Variants in TBX4 observed in about 807,000 individuals in gnomAD.
The protein encoded by TBX4 is T-box transcription factor TBX4.
TBX4 carries 13 observed loss-of-function variants against 54.6 expected under a neutral mutation model. That is an observed-to-expected ratio of 0.24 (90% CI 0.15 to 0.38). The LOEUF (loss-of-function observed/expected upper bound fraction) is 0.38, where lower values mean the gene tolerates loss of function less well. Ranked by LOEUF, TBX4 falls within the 10% of genes least tolerant of loss-of-function variation. The pLI, the probability that TBX4 is intolerant of heterozygous loss-of-function variation, is 1.00. For synonymous variants in TBX4, 314 were observed against 306.7 expected (o/e 1.02, Z -0.25); for missense variants, 631 against 728.5 (o/e 0.87, Z 1.54).
chr17:61,480,285 C>T lies in TBX4; in HGVS notation c.987C>T (p.Asp329=), dbSNP rs767809364. 1.9e-6 allele frequency: 3 copies of T among 1,613,886 alleles called. No individual in the cohort carries two copies. In the African/African-American group the frequency reaches 4.0e-5, roughly 22 times the overall value. Residue 329 remains aspartate (D), a synonymous_variant, in exon 8 of 9, where the codon GAC becomes GAT. Transcript: ENST00000644296. The surrounding 1 kb of genome is among the most constrained non-coding windows in gnomAD (Gnocchi z 6.2). ...LPLSTFPTQR[D]SSLFYHCLKR... is the part of the protein sequence containing the mutation. ...TCAGCACCTTTCCCACCCAGAGGGA[C>T]TCAAGCCTCTTCTATCACTGCCTGA...
chr17:61,456,430 G>C, intron 1 of TBX4, 58 bp from the exon 2 acceptor site: 1 of 1,538,596 alleles, frequency 6.5e-7, no homozygotes, highest in Non-Finnish European at 8.8e-7. Context: ...GAGAGGGCCA[G>C]GGGTCCTCTG....
chr17:61,456,372 T>A (rs748638630), intron 1 of TBX4, 116 bp from the exon 2 acceptor site: 1 of 1,402,570 alleles, frequency 7.1e-7, no homozygotes, highest in Non-Finnish European at 9.8e-7. Context: ...GGGGTCCACG[T>A]GCTCCAGGGC....
chr17:61,483,640 GTGTGTGTGTGTGTA>G lies in TBX4; in HGVS notation c.*126_*139del. 16 of 1,161,154 alleles carry G rather than the reference GTGTGTGTGTGTGTA, an allele frequency of 1.4e-5. No homozygotes were observed. Among genetic ancestry groups the G allele is most frequent in the East Asian group, 2.4e-5 (1 of 41,586 alleles). The allele number at this position is 1,161,154 out of a possible 1,614,324, so 71.9% of individuals were successfully genotyped here. A position where few individuals can be genotyped will look rare whatever the true frequency, so the allele number is the denominator to read the frequency against. ...TGTGTGTGTGTGTGTGTGTGTGTGT[GTGTGTGTGTGTGTA>G]TACACGAGCATGTATGTATTTGGAG... is the stretch of plus-strand genomic sequence containing the variant. On this transcript the variant is annotated 3_prime_UTR_variant, in exon 9 of 9. Transcript: ENST00000644296. This position sits in a 1 kb window ranked among gnomAD's most constrained non-coding sequence, Gnocchi z 6.6.
At position 61,474,815 on chromosome 17, in the gene TBX4, C is replaced by T. The variant is rs148547176; in HGVS notation, c.550-3812C>T. ...TCCGAGCAAAGCCAGGTGTGTGAGT[C>T]ACTGAGTTGGTTTCACATTCTCCCG... On this transcript the variant is annotated intron_variant, in intron 5 of 8. Transcript: ENST00000644296. This position sits in a 1 kb window ranked among gnomAD's most constrained non-coding sequence, Gnocchi z 4.6. 4.6e-5 allele frequency among the ~76,000 whole-genome samples: 7 copies of T among 152,328 alleles called. No homozygotes were observed. The highest frequency in any genetic ancestry group is 1.7e-4 in the African/African-American group (7 of 41,570).
At position 61,483,113 on chromosome 17, in the gene TBX4, C is replaced by G. The variant is rs745791793; in HGVS notation, c.1238C>G (p.Pro413Arg). 1 of 1,614,176 alleles carries G rather than the reference C, an allele frequency of 6.2e-7. No homozygotes were observed. Among genetic ancestry groups the G allele is most frequent in the Non-Finnish European group, 8.5e-7 (1 of 1,180,036 alleles). ...GTGTCTGGGGTGGACGACCTGCCCCCACCTCCGCTGAGCTGTAACATGTGG... is the reference window on the plus strand; with the variant it reads ...GTGTCTGGGGTGGACGACCTGCCCCGACCTCCGCTGAGCTGTAACATGTGG... ...AGVSGVDDLP[P>R]PPLSCNMWTS... The change falls in exon 9 of 9, where the codon CCA becomes CGA. Residue 413 changes from proline to arginine, a missense_variant. Transcript: ENST00000644296. This position sits in a 1 kb window ranked among gnomAD's most constrained non-coding sequence, Gnocchi z 6.6.
rs965616712 is a variant in TBX4 at position 61,461,460 on chromosome 17, C to G, written c.281+3829C>G. The stretch of plus-strand genomic sequence containing the variant: ...CACCCAGGATTCCTCCTGAAAAGCC[C>G]CCACGGACATCAGGGTTGGAGAAAC... On this transcript the variant is annotated intron_variant, in intron 3 of 8. Transcript: ENST00000644296. This position sits in a 1 kb window ranked among gnomAD's most constrained non-coding sequence, Gnocchi z 5.1. Among the ~76,000 whole-genome samples the G allele has an allele frequency of 2.0e-5, 3 of 152,130 alleles. No homozygotes were observed. Among genetic ancestry groups the G allele is most frequent in the Non-Finnish European group, 4.4e-5 (3 of 68,040 alleles).
Position 61,460,557 on chromosome 17 carries a change from T to C in TBX4, c.281+2926T>C, listed in dbSNP as rs1411921775. ...AGCGACCTCCATGTCAGGTGTGAAATGGGGGCCACAGCCCTCCGCAGCCCG... is the reference window on the plus strand; with the variant it reads ...AGCGACCTCCATGTCAGGTGTGAAACGGGGGCCACAGCCCTCCGCAGCCCG... On this transcript the variant is annotated intron_variant, in intron 3 of 8. Coordinates refer to ENST00000644296, the MANE Select transcript of TBX4 (RefSeq NM_001321120.2). This position sits in a 1 kb window ranked among gnomAD's most constrained non-coding sequence, Gnocchi z 4.4. 6.6e-6 allele frequency among the ~76,000 whole-genome samples: 1 copy of C among 152,046 alleles called. No individual in the cohort carries two copies. The highest frequency in any genetic ancestry group is 1.9e-4 in the East Asian group (1 of 5,186).
chr17:61,483,682 C>A lies in TBX4; in HGVS notation c.*166C>A. 1 of 874,654 alleles carries A rather than the reference C, an allele frequency of 1.1e-6. No individual in the cohort carries two copies. The highest frequency in any genetic ancestry group is 1.8e-6 in the Non-Finnish European group (1 of 561,962). 54.2% of individuals were successfully genotyped at this position (874,654 alleles called of 1,614,324 possible). A position where few individuals can be genotyped will look rare whatever the true frequency, so the allele number is the denominator to read the frequency against. ...CACGAGCATGTATGTATTTGGAGAGCATCCATCTTCTGACATACAACTGAG... is the reference window on the plus strand; with the variant it reads ...CACGAGCATGTATGTATTTGGAGAGAATCCATCTTCTGACATACAACTGAG... On this transcript the variant is annotated 3_prime_UTR_variant, in exon 9 of 9. Coordinates refer to ENST00000644296, the MANE Select transcript of TBX4 (RefSeq NM_001321120.2). The surrounding 1 kb of genome is among the most constrained non-coding windows in gnomAD (Gnocchi z 6.6).
chr17:61,455,646 G>A (rs2060442495), intron 1 of TBX4, among the ~76,000 whole-genome samples: 1 of 152,228 alleles, frequency 6.6e-6, no homozygotes, highest in Non-Finnish European at 1.5e-5. Context: ...GTCCTTCACT[G>A]GGAAGGGTGT....
At position 61,478,521 on chromosome 17, in the gene TBX4, T is replaced by C; in HGVS notation, c.550-106T>C. The C allele has an allele frequency of 6.6e-7, 1 of 1,513,224 alleles. No individual in the cohort carries two copies. The highest frequency in any genetic ancestry group is 9.2e-7 in the Non-Finnish European group (1 of 1,092,316). 93.7% of individuals were successfully genotyped at this position (1,513,224 alleles called of 1,614,324 possible). On this transcript the variant is annotated intron_variant, in intron 5 of 8. Coordinates refer to ENST00000644296, the MANE Select transcript of TBX4 (RefSeq NM_001321120.2). The surrounding 1 kb of genome is among the most constrained non-coding windows in gnomAD (Gnocchi z 7.4). ...GGTCGGTAGGCCCCGGATCCTGGGC[T>C]TTGAGGAGAATGAGAAAAACCAGGC...
In TBX4 at chr17:61,472,276, A is replaced by ATATT. The variant is rs1569040220; in HGVS notation, c.549+4621_549+4624dup. Among the ~76,000 whole-genome samples, 1 of 152,212 alleles carries ATATT rather than the reference A, an allele frequency of 6.6e-6. No homozygotes were observed. The highest frequency in any genetic ancestry group is 1.5e-5 in the Non-Finnish European group (1 of 68,044). On this transcript the variant is annotated intron_variant, in intron 5 of 8. Coordinates refer to ENST00000644296, the MANE Select transcript of TBX4 (RefSeq NM_001321120.2). This position sits in a 1 kb window ranked among gnomAD's most constrained non-coding sequence, Gnocchi z 4.5. ...CTCCATGGGAGCTGTACTGATGTAT[A>ATATT]TATTTCCACCACTGCTGTGGCCTTA...
At position 61,457,742 on chromosome 17, in the gene TBX4, C is replaced by A. The variant is rs1030426312; in HGVS notation, c.281+111C>A. 5.8e-6 allele frequency: 6 copies of A among 1,033,224 alleles called. No homozygotes were observed. The African/African-American group carries it at 9.5e-5, about 16-fold the overall frequency. The allele number at this position is 1,033,224 out of a possible 1,614,324, so 64.0% of individuals were successfully genotyped here. A position where few individuals can be genotyped will look rare whatever the true frequency, so the allele number is the denominator to read the frequency against. ...GCCTGGTGGCCTGTGGGAGGCCTCT[C>A]TGCCTCCTCGGGCGTCAGTGCCACC... On this transcript the variant is annotated intron_variant, in intron 3 of 8. Coordinates refer to ENST00000644296, the MANE Select transcript of TBX4 (RefSeq NM_001321120.2). This position sits in a 1 kb window ranked among gnomAD's most constrained non-coding sequence, Gnocchi z 8.2.
In TBX4 at chr17:61,471,892, ATTTTTTTTTT is replaced by A. The variant is rs35198276; in HGVS notation, c.549+4257_549+4266del. Among the ~76,000 whole-genome samples, 56 of 72,948 alleles carry A rather than the reference ATTTTTTTTTT, an allele frequency of 7.7e-4. 1 individual carries two copies. The highest frequency in any genetic ancestry group is 2.8e-3 in the African/African-American group (54 of 19,308). 47.9% of individuals were successfully genotyped at this position (72,948 alleles called of 152,430 possible). On this transcript the variant is annotated intron_variant, in intron 5 of 8. Coordinates refer to ENST00000644296, the MANE Select transcript of TBX4 (RefSeq NM_001321120.2). ...AGGTGCCTGCCACTATGCCCAGCTA[ATTTTTTTTTT>A]TTTTTTTTTTTTTTTTTTTTTAGTA...
At position 61,481,092 on chromosome 17, in the gene TBX4, C is replaced by G. The variant is rs2060660077; in HGVS notation, c.1021+773C>G. Among the ~76,000 whole-genome samples the G allele has an allele frequency of 6.6e-6, 1 of 152,206 alleles. No homozygotes were observed. Among genetic ancestry groups the G allele is most frequent in the Non-Finnish European group, 1.5e-5 (1 of 68,048 alleles). ...GGTCCTAGGGACTAGCCCAGCAGAG[C>G]TCCGAGATCCCCTGTACAAGTCTCA... On this transcript the variant is annotated intron_variant, in intron 8 of 8. Transcript: ENST00000644296. This position sits in a 1 kb window ranked among gnomAD's most constrained non-coding sequence, Gnocchi z 4.8.
At chr17:61,477,296 T>C (rs2060627449) in intron 5 of TBX4, among the ~76,000 whole-genome samples, 1 of 152,210 alleles carries the variant, frequency 6.6e-6, no homozygotes, top group South Asian at 2.1e-4. Context: ...TAATGGCACA[T>C]GATGCAGCTG....
In TBX4 at chr17:61,457,183, C is replaced by A. The variant is rs1398300508; in HGVS notation, c.187-354C>A. On this transcript the variant is annotated intron_variant, in intron 2 of 8. Transcript: ENST00000644296. The surrounding 1 kb of genome is among the most constrained non-coding windows in gnomAD (Gnocchi z 8.2). ...GCACTATCTGCAGGCGCGCGCCTGG[C>A]CGAGGGTGCGTGCGCCTCTCCCTGT... Among the ~76,000 whole-genome samples, 4 of 152,012 alleles carry A rather than the reference C, an allele frequency of 2.6e-5. No homozygotes were observed. The highest frequency in any genetic ancestry group is 4.4e-5 in the Non-Finnish European group (3 of 67,968).
chr17:61,464,632 A>G lies in TBX4; in HGVS notation c.282-1187A>G, dbSNP rs528233821. Among the ~76,000 whole-genome samples, 2 of 152,084 alleles carry G rather than the reference A, an allele frequency of 1.3e-5. No individual in the cohort carries two copies. The highest frequency in any genetic ancestry group is 2.9e-5 in the Non-Finnish European group (2 of 68,024). ...GGTTTGGATCCTGTTTCTCTTGGGG[A>G]ACACCTTTGTGGAAGATCAGCTGGG... On this transcript the variant is annotated intron_variant, in intron 3 of 8. Transcript: ENST00000644296. The surrounding 1 kb of genome is among the most constrained non-coding windows in gnomAD (Gnocchi z 5.8).
In TBX4 at chr17:61,481,138, G is replaced by C. The variant is rs542720234; in HGVS notation, c.1021+819G>C. On this transcript the variant is annotated intron_variant, in intron 8 of 8. Transcript: ENST00000644296. The surrounding 1 kb of genome is among the most constrained non-coding windows in gnomAD (Gnocchi z 4.8). ...TCTCATTAGAACTCAATGACCTAGA[G>C]CACGGGTTGGCAAACTGTGGCCTTC... Among the ~76,000 whole-genome samples the C allele has an allele frequency of 1.3e-5, 2 of 152,256 alleles. No homozygotes were observed. The highest frequency in any genetic ancestry group is 4.8e-5 in the African/African-American group (2 of 41,544).
At chr17:61,458,612 A>G (rs988332470) in intron 3 of TBX4, among the ~76,000 whole-genome samples, 5 of 152,140 alleles carry the variant, frequency 3.3e-5, no homozygotes, top group African/African-American at 7.2e-5. Context: ...CTGCAGTTCC[A>G]ACTCAGCTAC....
Sources: allele counts gnomAD v4.1 joint callset (sites outside exome capture counted in the v4.1 genomes callset), GRCh38; gene constraint gnomAD v4.1.1; non-coding constraint Gnocchi (gnomAD v3.1); transcripts MANE v1.5; gene names NCBI Gene and HGNC (gene_info 2026-07-23, HGNC 2026-07-21).